Variants in STXBP5L observed in about 807,000 individuals in gnomAD.
STXBP5L encodes syntaxin binding protein 5L.
STXBP5L carries 65 observed loss-of-function variants against 144.5 expected under a neutral mutation model. The observed-to-expected ratio is 0.45, with a 90% CI of 0.37 to 0.55. The LOEUF is 0.55. STXBP5L is among the 20% of genes least tolerant of loss of function. STXBP5L has a pLI of 0.00. For synonymous variants in STXBP5L, 505 were observed against 469.6 expected (o/e 1.08, Z -0.97); for missense variants, 1,298 against 1,405.5 (o/e 0.92, Z 1.22).
At chr3:121,100,803 A>G (rs1002023217) in intron 5 of STXBP5L, among the ~76,000 whole-genome samples, 3 of 151,970 alleles carry the variant, frequency 2.0e-5, no homozygotes, top group South Asian at 2.1e-4. Flanking sequence ...CGACAAAAAA[A>G]AAAAGTTGGT....
At chr3:121,137,251 A>C (rs1346081092) in intron 7 of STXBP5L, among the ~76,000 whole-genome samples, 1 of 141,444 alleles carries the variant, frequency 7.1e-6, no homozygotes, top group Non-Finnish European at 1.6e-5. Flanking sequence ...AAGAATAAAA[A>C]AAATGTTGGT....
chr3:121,230,584 A>T (rs771575328), intron 11 of STXBP5L, among the ~76,000 whole-genome samples: 2 of 152,118 alleles, frequency 1.3e-5, no homozygotes, highest in Non-Finnish European at 2.9e-5. Context: ...AAGATTTCTA[A>T]GTCAAACATG....
chr3:121,332,804 C>G (rs1246965872), intron 20 of STXBP5L, among the ~76,000 whole-genome samples: 1 of 151,278 alleles, frequency 6.6e-6, no homozygotes, highest in Non-Finnish European at 1.5e-5. Context: ...AGGACATCAC[C>G]AAGGCATTTG....
chr3:121,321,314 G>A (rs1159559075), intron 20 of STXBP5L, among the ~76,000 whole-genome samples: 1 of 151,976 alleles, frequency 6.6e-6, no homozygotes, highest in Non-Finnish European at 1.5e-5. Context: ...CATCCTTCTG[G>A]GAAAAGTGCG....
chr3:121,093,244 T>G (rs549745580), intron 5 of STXBP5L, among the ~76,000 whole-genome samples: 23 of 152,218 alleles, frequency 1.5e-4, no homozygotes, highest in African/African-American at 2.2e-4. Context: ...TTTTTTGGTT[T>G]TGTCTCTGCC....
chr3:121,343,412 A>G (rs975804885), intron 20 of STXBP5L, among the ~76,000 whole-genome samples: 2 of 152,172 alleles, frequency 1.3e-5, no homozygotes, highest in Non-Finnish European at 2.9e-5. Context: ...ATTAGGCAGG[A>G]GAAGGAAATA....
At chr3:121,020,829 G>A (rs890976567) in intron 3 of STXBP5L, among the ~76,000 whole-genome samples, 1 of 144,842 alleles carries the variant, frequency 6.9e-6, no homozygotes, top group East Asian at 2.0e-4. Context: ...AAAACTCACA[G>A]TACCTATAAA....
At chr3:121,418,208 C>A in intron 25 of STXBP5L, 129 bp from the exon 26 acceptor site, 2 of 1,088,246 alleles carry the variant, frequency 1.8e-6, no homozygotes, top group African/African-American at 1.6e-5. Flanking sequence ...TATGACTGGA[C>A]CAAATAAGAC....
At chr3:121,235,132 A>G (rs2049434592) in intron 12 of STXBP5L, among the ~76,000 whole-genome samples, 1 of 151,882 alleles carries the variant, frequency 6.6e-6, no homozygotes, top group Non-Finnish European at 1.5e-5. Flanking sequence ...TTTGTTTGCA[A>G]GTTTTCATCT....
At chr3:121,142,540 A>G (rs2045551207) in intron 7 of STXBP5L, among the ~76,000 whole-genome samples, 1 of 152,060 alleles carries the variant, frequency 6.6e-6, no homozygotes, top group African/African-American at 2.4e-5. Context: ...GAAGATTGAA[A>G]TGATACCAAG....
intron 18 of STXBP5L, among the ~76,000 whole-genome samples, chr3:121,276,177 T>C (rs1353696700): frequency 1.5e-5 from 1 of 65,250 alleles, no homozygotes; most frequent in Non-Finnish European, 3.3e-5. Flanking sequence ...ATACTTCTTT[T>C]AGTTTTTTGT....
rs1343268081 is a variant in STXBP5L, at chr3:121,423,379, G to A, written c.*4282G>A. On this transcript the variant is annotated 3_prime_UTR_variant, in exon 27 of 27. Coordinates refer to ENST00000471454, the MANE Select transcript of STXBP5L (RefSeq NM_001308330.2). ...TGTCAACATAACAAGTTTAGTGTGT[G>A]TATTTGCAGACAACATAGCCCTGAA... The A allele has an allele frequency of 6.6e-6, 1 of 152,170 alleles. No homozygotes were observed. The highest frequency in any genetic ancestry group is 1.5e-5 in the Non-Finnish European group (1 of 68,036). The allele number at this position is 152,170 out of a possible 1,614,324, so 9.4% of individuals were successfully genotyped here. A position where few individuals can be genotyped will look rare whatever the true frequency, so the allele number is the denominator to read the frequency against.
In STXBP5L at chr3:121,421,368, G is replaced by A. The variant is rs372627394; in HGVS notation, c.*2271G>A. 2 of 152,094 alleles carry A rather than the reference G, an allele frequency of 1.3e-5. No homozygotes were observed. The highest frequency in any genetic ancestry group is 3.9e-4 in the East Asian group (2 of 5,188). The allele number at this position is 152,094 out of a possible 1,614,324, so 9.4% of individuals were successfully genotyped here. On this transcript the variant is annotated 3_prime_UTR_variant, in exon 27 of 27. Transcript: ENST00000471454. Reference sequence around the variant, plus strand: ...TTTCTCAAAAGCAGCACTATTAGCTGAAAGTCTTTGTTGTGGGGAACTGTC... The same window carrying A: ...TTTCTCAAAAGCAGCACTATTAGCTAAAAGTCTTTGTTGTGGGGAACTGTC...
At chr3:121,035,889 A>T (rs909608490) in intron 3 of STXBP5L, among the ~76,000 whole-genome samples, 1 of 152,040 alleles carries the variant, frequency 6.6e-6, no homozygotes, top group Non-Finnish European at 1.5e-5. Flanking sequence ...TTGGTCTTTA[A>T]TTTCTCTTTG....
At chr3:121,086,307 C>T (rs2042490518) in intron 5 of STXBP5L, among the ~76,000 whole-genome samples, 1 of 152,120 alleles carries the variant, frequency 6.6e-6, no homozygotes, top group East Asian at 1.9e-4. Context: ...ATTGTGACTT[C>T]TTAGACACAA....
rs1210713590 is a variant in STXBP5L, at chr3:121,403,167, A to G, written c.2588-4076A>G. Among the ~76,000 whole-genome samples, 3 of 152,130 alleles carry G rather than the reference A, an allele frequency of 2.0e-5. No homozygotes were observed. In the East Asian group the frequency reaches 5.8e-4, roughly 29 times the overall value. ...ATCTGCTTGTATCTTCATGGCCTGC[A>G]TATTCTCTCCTGTTACAGTTACTAA... On this transcript the variant is annotated intron_variant, in intron 22 of 26. Transcript: ENST00000471454.
At chr3:121,349,380 A>G (rs1381847825) in intron 20 of STXBP5L, among the ~76,000 whole-genome samples, 1 of 151,488 alleles carries the variant, frequency 6.6e-6, no homozygotes, top group Non-Finnish European at 1.5e-5. Flanking sequence ...ACTTCCAACT[A>G]TGTGGTCAAT....
chr3:120,923,235 C>A (rs187994209), intron 2 of STXBP5L, among the ~76,000 whole-genome samples: 4 of 151,744 alleles, frequency 2.6e-5, no homozygotes, highest in Non-Finnish European at 5.9e-5. Flanking sequence ...TTTGGATATT[C>A]TTTTTTTCTT....
intron 9 of STXBP5L, among the ~76,000 whole-genome samples, chr3:121,191,849 G>T (rs2047699077): frequency 6.9e-6 from 1 of 144,052 alleles, no homozygotes; most frequent in Admixed American, 7.6e-5. Flanking sequence ...TGCAAGGACA[G>T]AAAACCAAAC....
Sources: gnomAD v4.1 joint callset for allele counts (sites outside exome capture counted in the v4.1 genomes callset) on GRCh38, gnomAD v4.1.1 for gene constraint, MANE v1.5 for transcripts, NCBI Gene and HGNC (gene_info 2026-07-23, HGNC 2026-07-21) for gene names.